DAAM1: variants seen among roughly 807,000 people sequenced by gnomAD.
The protein encoded by DAAM1 is dishevelled associated activator of morphogenesis 1, also known as disheveled-associated activator of morphogenesis 1.
In DAAM1, 52 loss-of-function variants were observed where a neutral mutation model predicts 130.0. That is an observed-to-expected ratio of 0.40 (90% CI 0.32 to 0.50). The LOEUF is 0.50. DAAM1 is among the 20% of genes least tolerant of loss of function. The probability of loss-of-function intolerance (pLI) is 0.61; values close to 1 mark genes in which losing one functional copy is unlikely to be tolerated. For synonymous variants in DAAM1, 452 were observed against 444.5 expected, an observed-to-expected ratio of 1.02 and a Z score of -0.21; for missense variants, 1,134 against 1,303.8, an observed-to-expected ratio of 0.87 and a Z score of 2.01.
chr14:59,195,322 T>G (rs2139382387), intron 1 of DAAM1, among the ~76,000 whole-genome samples: 1 of 152,148 alleles, frequency 6.6e-6, no homozygotes, highest in South Asian at 2.1e-4. Flanking sequence ...TTTTTGTATT[T>G]TTAGTAGAGA....
chr14:59,256,097 A>G (rs1021511233), intron 1 of DAAM1, among the ~76,000 whole-genome samples: 1 of 152,222 alleles, frequency 6.6e-6, no homozygotes, highest in Non-Finnish European at 1.5e-5. Context: ...TGATGGATCA[A>G]TTAAAATAGT....
At chr14:59,344,705 T>C (rs956683307) in intron 16 of DAAM1, among the ~76,000 whole-genome samples, 2 of 152,168 alleles carry the variant, frequency 1.3e-5, no homozygotes, top group African/African-American at 4.8e-5. Context: ...CAAAATTGTT[T>C]TGAATTAGAG....
intron 5 of DAAM1, among the ~76,000 whole-genome samples, chr14:59,322,472 T>C (rs1885048134): frequency 1.3e-5 from 2 of 149,868 alleles, no homozygotes; most frequent in East Asian, 2.0e-4. Context: ...CAGTGAGCTA[T>C]GACAGAGCAA....
intron 2 of DAAM1, among the ~76,000 whole-genome samples, chr14:59,279,802 C>T (rs184057198): frequency 6.6e-6 from 1 of 152,122 alleles, no homozygotes; most frequent in African/African-American, 2.4e-5. Context: ...AGAAGGCAAG[C>T]CACAGGCTAG....
Position 59,300,570 on chromosome 14 carries a change from G to A in DAAM1, c.273+9264G>A, listed in dbSNP as rs531418472. On this transcript the variant is annotated intron_variant, in intron 3 of 24. Transcript: ENST00000360909. The stretch of plus-strand genomic sequence containing the variant: ...TTTGATTAATTTTTATTGTGAAAAC[G>A]TTAAATATACAAAAAAGTACAGAAT... Among the ~76,000 whole-genome samples the A allele has an allele frequency of 2.4e-3, 362 of 152,114 alleles. 1 individual carries two copies. Among genetic ancestry groups the A allele is most frequent in the African/African-American group, 7.9e-3 (328 of 41,496 alleles).
At position 59,248,949 on chromosome 14, in the gene DAAM1, G is replaced by A. The variant is rs185480420; in HGVS notation, c.-37-14492G>A. ...ACTACAGGCGCCCACCACCACGCCC[G>A]GCTAATTTTTTGTATTTTTGGTAGA... On this transcript the variant is annotated intron_variant, in intron 1 of 24. Coordinates refer to ENST00000360909, the MANE Select transcript of DAAM1 (RefSeq NM_001270520.2). 8.5e-5 allele frequency among the ~76,000 whole-genome samples: 13 copies of A among 152,166 alleles called. No homozygotes were observed. The East Asian group carries it at 1.7e-3, about 20-fold the overall frequency.
At chr14:59,286,117 A>G (rs1883440182) in intron 2 of DAAM1, among the ~76,000 whole-genome samples, 1 of 152,180 alleles carries the variant, frequency 6.6e-6, no homozygotes. Context: ...TACCAAGAAG[A>G]TCTATCAAAA....
At chr14:59,203,437 A>G (rs1043017154) in intron 1 of DAAM1, among the ~76,000 whole-genome samples, 1 of 152,168 alleles carries the variant, frequency 6.6e-6, no homozygotes, top group African/African-American at 2.4e-5. Context: ...TAAAGCTATT[A>G]TTAAAAAACA....
intron 3 of DAAM1, among the ~76,000 whole-genome samples, chr14:59,295,233 G>GT (rs990498527): frequency 4.5e-4 from 69 of 152,274 alleles, no homozygotes; most frequent in African/African-American, 1.6e-3. Flanking sequence ...TTACATTTCT[G>GT]TATGTGTTGA....
At position 59,263,581 on chromosome 14, in the gene DAAM1, A is replaced by T; in HGVS notation, c.104A>T (p.Asn35Ile). Residue 35 changes from asparagine (N) to isoleucine (I), a missense_variant, in exon 2 of 25, where the codon AAC becomes ATC. Around this residue, in one of 3 missense-constraint regions of DAAM1, gnomAD observed 99 missense variants for 86.4 expected, o/e 1.15. Coordinates refer to ENST00000360909, the MANE Select transcript of DAAM1 (RefSeq NM_001270520.2). ...ACGTATCGGCTGCGAAATGATAGCA[A>T]CTTTGCGCTTCAGACCATGGAACCA... is the stretch of plus-strand genomic sequence containing the variant. Reference protein sequence around the residue: ...EITYRLRNDSNFALQTMEPAL... With the variant: ...EITYRLRNDSIFALQTMEPAL... The T allele has an allele frequency of 6.2e-7, 1 of 1,614,180 alleles. No homozygotes were observed.
At chr14:59,246,652 C>T (rs554514853) in intron 1 of DAAM1, among the ~76,000 whole-genome samples, 1 of 152,276 alleles carries the variant, frequency 6.6e-6, no homozygotes, top group South Asian at 2.1e-4. Flanking sequence ...GGTTGTTCCA[C>T]TTCATAATCC....
At chr14:59,210,302 A>G (rs886493366) in intron 1 of DAAM1, among the ~76,000 whole-genome samples, 4 of 152,266 alleles carry the variant, frequency 2.6e-5, no homozygotes, top group African/African-American at 9.6e-5. Context: ...ACAACTAGCA[A>G]AAGCTATCAC....
At chr14:59,358,715 C>T (rs752314511) in intron 20 of DAAM1, among the ~76,000 whole-genome samples, 7 of 152,018 alleles carry the variant, frequency 4.6e-5, no homozygotes, top group South Asian at 4.2e-4. Context: ...TGGTGGCTGG[C>T]GCCTGTAATC....
chr14:59,323,280 A>G (rs1357939193), intron 6 of DAAM1, 55 bp downstream of exon 6: 4 of 1,483,318 alleles, frequency 2.7e-6, no homozygotes, highest in Non-Finnish European at 2.7e-6. Flanking sequence ...CTGCTCAAAC[A>G]CGTGCTTTTC....
chr14:59,281,581 G>T lies in DAAM1; in HGVS notation c.184-9636G>T, dbSNP rs543485555. Among the ~76,000 whole-genome samples the T allele has an allele frequency of 3.9e-5, 6 of 152,174 alleles. No individual in the cohort carries two copies. The South Asian group carries it at 1.2e-3, about 32-fold the overall frequency. ...AGGTGGGAAGGTCAGCAAAAGCCAT[G>T]TCATGAAGGGACCTTTACCTGCTAA... On this transcript the variant is annotated intron_variant, in intron 2 of 24. Transcript: ENST00000360909.
chr14:59,331,662 T>G, intron 14 of DAAM1, 151 bp from the exon 15 acceptor site: 1 of 1,500,976 alleles, frequency 6.7e-7, no homozygotes, highest in Non-Finnish European at 8.9e-7. Flanking sequence ...GTGATAAAGC[T>G]TCTGAAATAA....
chr14:59,189,431 G>C (rs902398737), intron 1 of DAAM1, among the ~76,000 whole-genome samples: 1 of 152,194 alleles, frequency 6.6e-6, no homozygotes, highest in Non-Finnish European at 1.5e-5. Context: ...TTGGCGGCCG[G>C]GGAGGCTGCG....
chr14:59,338,727 G>A (rs2273756), intron 15 of DAAM1, among the ~76,000 whole-genome samples: 33,777 of 151,534 alleles, frequency 0.22, 3,912 homozygotes, highest in African/African-American at 0.29. Context: ...TAATGCTACC[G>A]TTATTGGTAC....
intron 1 of DAAM1, among the ~76,000 whole-genome samples, chr14:59,223,312 T>G (rs1888836150): frequency 6.6e-6 from 1 of 152,242 alleles, no homozygotes; most frequent in Non-Finnish European, 1.5e-5. Context: ...ACCCAATTCA[T>G]GATGGGCAGT....
Sources: gnomAD v4.1 joint callset for allele counts (sites outside exome capture counted in the v4.1 genomes callset) on GRCh38, gnomAD v4.1.1 for gene constraint, gnomAD v4.1.1 regional missense constraint, MANE v1.5 for transcripts, NCBI Gene and HGNC (gene_info 2026-07-23, HGNC 2026-07-21) for gene names.